NCAM2: variants seen among roughly 807,000 people sequenced by gnomAD.
NCAM2 encodes neural cell adhesion molecule 2.
NCAM2 carries 30 observed loss-of-function variants against 98.1 expected under a neutral mutation model. The ratio of observed to expected loss-of-function variants is 0.31; its 90% CI spans 0.23 to 0.41. The LOEUF (loss-of-function observed/expected upper bound fraction) is 0.41. Ranked by LOEUF, NCAM2 falls within the 10% of genes least tolerant of loss-of-function variation. NCAM2 has a pLI of 1.00. For synonymous variants in NCAM2, 368 were observed against 342.4 expected (o/e 1.07, Z -0.83); for missense variants, 867 against 1,005.8 (o/e 0.86, Z 1.87).
intron 8 of NCAM2, among the ~76,000 whole-genome samples, chr21:21,366,405 T>C (rs2075787298): frequency 6.6e-6 from 1 of 152,074 alleles, no homozygotes; most frequent in African/African-American, 2.4e-5. Context: ...ACAATATTTA[T>C]CATGTACCTA....
chr21:21,293,829 G>A (rs930852875), intron 5 of NCAM2, among the ~76,000 whole-genome samples: 17 of 151,520 alleles, frequency 1.1e-4, no homozygotes, highest in Admixed American at 9.2e-4. Flanking sequence ...TTCATCATGA[G>A]CAGTCTTTGT....
intron 8 of NCAM2, among the ~76,000 whole-genome samples, chr21:21,341,877 C>T (rs568678855): frequency 6.6e-6 from 1 of 152,126 alleles, no homozygotes; most frequent in African/African-American, 2.4e-5. Context: ...TACAGCCCTC[C>T]CCTGTGTGAG....
At chr21:21,351,754 T>C (rs13047232) in intron 8 of NCAM2, among the ~76,000 whole-genome samples, 1 of 152,196 alleles carries the variant, frequency 6.6e-6, no homozygotes, top group Non-Finnish European at 1.5e-5. Flanking sequence ...TTTTGTTTTG[T>C]TTTGTTTTGT....
intron 1 of NCAM2, among the ~76,000 whole-genome samples, chr21:21,009,934 G>A (rs2146133073): frequency 1.1e-5 from 1 of 89,180 alleles, no homozygotes; most frequent in South Asian, 4.0e-4. Flanking sequence ...TGATTTTTGT[G>A]GTGTTCTCTA....
At chr21:21,165,432 T>A (rs2067919468) in intron 1 of NCAM2, among the ~76,000 whole-genome samples, 1 of 152,166 alleles carries the variant, frequency 6.6e-6, no homozygotes, top group South Asian at 2.1e-4. Flanking sequence ...TTTATCCAAC[T>A]GCTACTCTGA....
intron 16 of NCAM2, among the ~76,000 whole-genome samples, chr21:21,524,653 A>C (rs1289684445): frequency 6.6e-6 from 1 of 152,162 alleles, no homozygotes; most frequent in African/African-American, 2.4e-5. Context: ...TAACCAATCA[A>C]GTTCAATCAA....
chr21:21,064,626 A>AT (rs932081898), intron 1 of NCAM2, among the ~76,000 whole-genome samples: 1 of 152,156 alleles, frequency 6.6e-6, no homozygotes, highest in Non-Finnish European at 1.5e-5. Context: ...GAGATGTGTC[A>AT]TTTTTTAAAA....
chr21:21,136,273 T>C (rs2084934075), intron 1 of NCAM2, among the ~76,000 whole-genome samples: 1 of 152,198 alleles, frequency 6.6e-6, no homozygotes, highest in African/African-American at 2.4e-5. Flanking sequence ...GGAAGTCATA[T>C]AGCCATAACT....
chr21:21,240,967 G>A (rs555619399), intron 1 of NCAM2, among the ~76,000 whole-genome samples: 4 of 152,066 alleles, frequency 2.6e-5, no homozygotes, highest in Non-Finnish European at 5.9e-5. Context: ...CATCATTATT[G>A]TTAGCAGTAT....
At chr21:21,398,922 T>C (rs2076572106) in intron 9 of NCAM2, among the ~76,000 whole-genome samples, 1 of 152,154 alleles carries the variant, frequency 6.6e-6, no homozygotes, top group Admixed American at 6.5e-5. Flanking sequence ...AAAAGCAGGT[T>C]TATTCTGAGA....
intron 16 of NCAM2, among the ~76,000 whole-genome samples, chr21:21,530,415 G>C (rs772387392): frequency 6.7e-6 from 1 of 148,320 alleles, no homozygotes; most frequent in Non-Finnish European, 1.5e-5. Context: ...TCAAAGAAAT[G>C]TAAAAAGTAG....
chr21:21,377,668 C>T (rs1363880884), intron 9 of NCAM2, among the ~76,000 whole-genome samples: 1 of 151,766 alleles, frequency 6.6e-6, no homozygotes, highest in Non-Finnish European at 1.5e-5. Flanking sequence ...TTAACATGTC[C>T]ATTACCTCAC....
chr21:21,011,615 A>G (rs747039280), intron 1 of NCAM2, among the ~76,000 whole-genome samples: 22 of 152,112 alleles, frequency 1.4e-4, no homozygotes, highest in Non-Finnish European at 2.6e-4. Context: ...AGCAATGTCC[A>G]GGTATACAAT....
intron 1 of NCAM2, among the ~76,000 whole-genome samples, chr21:21,027,876 G>C (rs1220966374): frequency 6.9e-6 from 1 of 145,092 alleles, no homozygotes; most frequent in Non-Finnish European, 1.5e-5. Flanking sequence ...TTTTTTTTGA[G>C]ACGTCGTTTC....
intron 11 of NCAM2, among the ~76,000 whole-genome samples, chr21:21,422,958 C>T (rs2077140511): frequency 6.6e-6 from 1 of 152,032 alleles, no homozygotes; most frequent in Admixed American, 6.6e-5. Flanking sequence ...ACAAGGCATT[C>T]TGTATATTTA....
intron 5 of NCAM2, among the ~76,000 whole-genome samples, chr21:21,295,196 G>T (rs569736827): frequency 6.6e-6 from 1 of 150,994 alleles, no homozygotes; most frequent in Non-Finnish European, 1.5e-5. Context: ...TTTATTCTAC[G>T]TTTTGTTCTT....
chr21:21,110,024 G>A (rs1661715751), intron 1 of NCAM2, among the ~76,000 whole-genome samples: 1 of 152,190 alleles, frequency 6.6e-6, no homozygotes. Flanking sequence ...TGTAGGGGGA[G>A]TTCCTTCAAG....
chr21:21,233,278 G>A (rs985273561), intron 1 of NCAM2, among the ~76,000 whole-genome samples: 3 of 151,542 alleles, frequency 2.0e-5, no homozygotes, highest in Non-Finnish European at 4.4e-5. Context: ...ACTGCTAGCA[G>A]CATTAAAAAG....
At chr21:21,287,392 A>G (rs568435501) in intron 4 of NCAM2, among the ~76,000 whole-genome samples, 38 of 152,122 alleles carry the variant, frequency 2.5e-4, no homozygotes, top group Middle Eastern at 3.4e-3. Flanking sequence ...AGCATGTTCA[A>G]TGCTTGTCAG....
Sources: allele counts gnomAD v4.1 joint callset (sites outside exome capture counted in the v4.1 genomes callset), GRCh38; gene constraint gnomAD v4.1.1; transcripts MANE v1.5; gene names NCBI Gene and HGNC (gene_info 2026-07-23, HGNC 2026-07-21).